Variants in RBFOX1 observed in about 807,000 individuals in gnomAD.
The protein encoded by RBFOX1 is RNA binding protein fox-1 homolog 1.
RBFOX1 carries 8 observed loss-of-function variants against 57.7 expected under a neutral mutation model. The observed-to-expected ratio is 0.14, with a 90% CI of 0.08 to 0.25. The LOEUF (loss-of-function observed/expected upper bound fraction) is 0.25. Among genes scored for constraint, RBFOX1 ranks in the 10% least tolerant of loss-of-function variants. The probability of loss-of-function intolerance (pLI) is 1.00; values close to 1 mark genes in which losing one functional copy is unlikely to be tolerated. For synonymous variants in RBFOX1, 326 were observed against 222.4 expected, an observed-to-expected ratio of 1.47 and a Z score of -4.15; for missense variants, 611 against 548.5, an observed-to-expected ratio of 1.11 and a Z score of -1.14.
chr16:7,152,753 T>G (rs1454268839), intron 4 of RBFOX1, among the ~76,000 whole-genome samples: 1 of 152,176 alleles, frequency 6.6e-6, no homozygotes, highest in Non-Finnish European at 1.5e-5. Flanking sequence ...TTAGAATTGT[T>G]CCTAATGGGG....
chr16:6,748,195 T>A (rs1486908883), intron 3 of RBFOX1, among the ~76,000 whole-genome samples: 1 of 152,174 alleles, frequency 6.6e-6, no homozygotes, highest in Admixed American at 6.6e-5. Flanking sequence ...TTTAATTGGA[T>A]ATCCTTATGG....
At chr16:7,242,862 A>T (rs1306466937) in intron 4 of RBFOX1, among the ~76,000 whole-genome samples, 1 of 152,100 alleles carries the variant, frequency 6.6e-6, no homozygotes, top group Admixed American at 6.6e-5. Flanking sequence ...GGTGAGAGAG[A>T]TATGGAGTCT....
intron 4 of RBFOX1, among the ~76,000 whole-genome samples, chr16:7,354,122 C>T (rs963448054): frequency 6.6e-6 from 1 of 151,992 alleles, no homozygotes; most frequent in African/African-American, 2.4e-5. Context: ...CAGGATCTGC[C>T]ACCACGCCCA....
At position 6,696,212 on chromosome 16, in the gene RBFOX1, T is replaced by G. The variant is rs78483240; in HGVS notation, c.-16+41562T>G. 3.4e-3 allele frequency among the ~76,000 whole-genome samples: 515 copies of G among 152,342 alleles called. 6 individuals carry two copies. The East Asian group carries it at 0.058, about 17-fold the overall frequency. The stretch of plus-strand genomic sequence containing the variant: ...CTCTAGTTGATATAATAAATATGCT[T>G]AAATTGAGGTATACAATATCTGTTT... On this transcript the variant is annotated intron_variant, in intron 3 of 15. Coordinates refer to ENST00000550418, the MANE Select transcript of RBFOX1 (RefSeq NM_018723.4).
At chr16:6,040,439 A>G (rs2095423687) in intron 1 of RBFOX1, among the ~76,000 whole-genome samples, 2 of 152,114 alleles carry the variant, frequency 1.3e-5, no homozygotes, top group Admixed American at 1.3e-4. Flanking sequence ...AAGTATCTCA[A>G]ATAAGTGGAA....
intron 3 of RBFOX1, among the ~76,000 whole-genome samples, chr16:6,840,407 T>C (rs1567502622): frequency 6.6e-6 from 1 of 152,180 alleles, no homozygotes; most frequent in Non-Finnish European, 1.5e-5. Context: ...TCATTAAATG[T>C]TGAGTATGAT....
At chr16:7,144,789 A>G (rs2074593003) in intron 4 of RBFOX1, among the ~76,000 whole-genome samples, 1 of 152,174 alleles carries the variant, frequency 6.6e-6, no homozygotes, top group Admixed American at 6.5e-5. Flanking sequence ...CCCTAAATCA[A>G]TAGCAAATCA....
At chr16:7,005,090 G>A (rs146691303) in intron 3 of RBFOX1, among the ~76,000 whole-genome samples, 3 of 152,160 alleles carry the variant, frequency 2.0e-5, no homozygotes, top group African/African-American at 7.2e-5. Context: ...GTTGCAGTCA[G>A]CTGAGATCGC....
intron 2 of RBFOX1, among the ~76,000 whole-genome samples, chr16:6,492,265 G>C (rs2095649517): frequency 6.6e-6 from 1 of 152,168 alleles, no homozygotes; most frequent in Non-Finnish European, 1.5e-5. Context: ...AGGACTATTT[G>C]GGAATTCTTA....
At chr16:6,908,260 G>C (rs879889188) in intron 3 of RBFOX1, among the ~76,000 whole-genome samples, 19 of 151,552 alleles carry the variant, frequency 1.3e-4, no homozygotes, top group Non-Finnish European at 2.2e-4. Flanking sequence ...CCAGCCTTTC[G>C]GGTGTCCTCT....
intron 3 of RBFOX1, among the ~76,000 whole-genome samples, chr16:6,976,926 A>G (rs200458109): frequency 7.0e-6 from 1 of 143,124 alleles, no homozygotes; most frequent in African/African-American, 2.6e-5. Flanking sequence ...TATATTGTAT[A>G]TTATATATAT....
At chr16:5,561,217 G>A (rs1235209674) in intron 2 of RBFOX1, among the ~76,000 whole-genome samples, 2 of 151,946 alleles carry the variant, frequency 1.3e-5, no homozygotes, top group Non-Finnish European at 2.9e-5. Flanking sequence ...ATATTTCCAA[G>A]AAATATGAGC....
At chr16:5,459,341 G>T (rs1485476921) in intron 1 of RBFOX1, among the ~76,000 whole-genome samples, 1 of 152,172 alleles carries the variant, frequency 6.6e-6, no homozygotes, top group Admixed American at 6.5e-5. Flanking sequence ...AGGCTTGACT[G>T]CATCCCATGC....
intron 2 of RBFOX1, among the ~76,000 whole-genome samples, chr16:6,569,640 C>A (rs1210260872): frequency 6.6e-6 from 1 of 152,160 alleles, no homozygotes; most frequent in African/African-American, 2.4e-5. Flanking sequence ...TGGGCTCTGT[C>A]AACCTTTCTG....
At chr16:7,352,527 T>A (rs2097146794) in intron 4 of RBFOX1, among the ~76,000 whole-genome samples, 1 of 152,106 alleles carries the variant, frequency 6.6e-6, no homozygotes, top group Non-Finnish European at 1.5e-5. Context: ...ATCACTGCTG[T>A]TTGGTCAGTC....
chr16:7,385,762 G>C (rs973278078), intron 4 of RBFOX1, among the ~76,000 whole-genome samples: 1 of 151,438 alleles, frequency 6.6e-6, no homozygotes, highest in African/African-American at 2.4e-5. Context: ...TAAGGTTTTT[G>C]GTTTTTTTCG....
chr16:6,672,133 C>T (rs562453745), intron 3 of RBFOX1, among the ~76,000 whole-genome samples: 3 of 152,224 alleles, frequency 2.0e-5, no homozygotes, highest in Non-Finnish European at 2.9e-5. Flanking sequence ...GTATTGGAGG[C>T]TAAGGTAACA....
chr16:5,538,945 G>C (rs920515630), intron 2 of RBFOX1, among the ~76,000 whole-genome samples: 2 of 152,140 alleles, frequency 1.3e-5, no homozygotes, highest in Admixed American at 6.5e-5. Context: ...TGCTGGGAGA[G>C]GGTTCAGCAA....
At chr16:6,559,694 G>A (rs1447134397) in intron 2 of RBFOX1, among the ~76,000 whole-genome samples, 1 of 151,954 alleles carries the variant, frequency 6.6e-6, no homozygotes, top group Non-Finnish European at 1.5e-5. Flanking sequence ...ATATATCTGT[G>A]TATATATATC....
Sources: allele counts gnomAD v4.1 joint callset (sites outside exome capture counted in the v4.1 genomes callset), GRCh38; gene constraint gnomAD v4.1.1; transcripts MANE v1.5; gene names NCBI Gene and HGNC (gene_info 2026-07-23, HGNC 2026-07-21).